The following CNBD1 variants were observed in gnomAD, a reference collection of about 807,000 sequenced individuals.
CNBD1 encodes the protein cyclic nucleotide binding domain containing 1.
A neutral mutation model predicts 54.4 loss-of-function variants in CNBD1; 71 were observed. That is an observed-to-expected ratio of 1.30 (90% CI 1.08 to 1.59). The LOEUF is 1.59. Among genes scored for constraint, CNBD1 ranks in the 40% most tolerant of loss-of-function variants. The pLI, the probability that CNBD1 is intolerant of heterozygous loss-of-function variation, is 0.00. For missense variants in CNBD1, 659 were observed against 518.0 expected (o/e 1.27, Z -2.64); for synonymous variants, 182 against 170.7 (o/e 1.07, Z -0.51).
chr8:86,956,253 G>T (rs1376435658), intron 4 of CNBD1, among the ~76,000 whole-genome samples: 1 of 152,162 alleles, frequency 6.6e-6, no homozygotes, highest in African/African-American at 2.4e-5. Flanking sequence ...ATAGTTTGAA[G>T]TCAGGTAGCA....
At chr8:87,122,813 A>G (rs1811916603) in intron 4 of CNBD1, among the ~76,000 whole-genome samples, 1 of 151,924 alleles carries the variant, frequency 6.6e-6, no homozygotes, top group Admixed American at 6.6e-5. Flanking sequence ...ATCTGAAGAC[A>G]GTGTTTTTCC....
intron 8 of CNBD1, among the ~76,000 whole-genome samples, chr8:87,332,116 G>A (rs1036915565): frequency 1.3e-5 from 2 of 152,170 alleles, no homozygotes; most frequent in African/African-American, 4.8e-5. Flanking sequence ...GGAAGTCTGA[G>A]GCAGGTGGAT....
chr8:87,154,562 G>A (rs1812674913), intron 4 of CNBD1, among the ~76,000 whole-genome samples: 1 of 152,182 alleles, frequency 6.6e-6, no homozygotes, highest in South Asian at 2.1e-4. Context: ...GTACTTCTTG[G>A]AAAGTTACAA....
chr8:87,286,879 A>G lies in CNBD1; in HGVS notation c.1042+208A>G, dbSNP rs1326210423. Reference sequence around the variant, plus strand: ...TACTGGCTTGAAGTGTGGTCTCAGGACTAACCTTACTTTTAACATCTCTCT... The same window carrying G: ...TACTGGCTTGAAGTGTGGTCTCAGGGCTAACCTTACTTTTAACATCTCTCT... On this transcript the variant is annotated intron_variant, in intron 8 of 10. Transcript: ENST00000518476. Among the ~76,000 whole-genome samples, 4 of 152,186 alleles carry G rather than the reference A, an allele frequency of 2.6e-5. No homozygotes were observed. In the East Asian group the frequency reaches 7.7e-4, roughly 29 times the overall value.
intron 4 of CNBD1, among the ~76,000 whole-genome samples, chr8:87,193,320 A>AGCTCC (rs1813650804): frequency 6.6e-6 from 1 of 152,204 alleles, no homozygotes; most frequent in African/African-American, 2.4e-5. Context: ...TTTTATGTAT[A>AGCTCC]GCTCCCCAAA....
At chr8:87,375,275 C>T (rs1810902979) in intron 10 of CNBD1, among the ~76,000 whole-genome samples, 1 of 151,750 alleles carries the variant, frequency 6.6e-6, no homozygotes. Context: ...TACAAATTTC[C>T]AGGAACTTAG....
At chr8:87,241,319 G>A (rs1807698911) in intron 6 of CNBD1, among the ~76,000 whole-genome samples, 1 of 133,410 alleles carries the variant, frequency 7.5e-6, no homozygotes, top group African/African-American at 3.1e-5. Context: ...CGCCCAGGCT[G>A]GAGTGCAGTG....
intron 2 of CNBD1, chr8:87,428,408 G>A (rs538511039): frequency 6.0e-5 from 19 of 318,338 alleles, no homozygotes; most frequent in Non-Finnish European, 1.0e-4. Context: ...AAGTACTAAT[G>A]AATCAATTTA....
intron 4 of CNBD1, among the ~76,000 whole-genome samples, chr8:86,953,550 G>A (rs893929820): frequency 2.6e-5 from 4 of 152,110 alleles, no homozygotes; most frequent in South Asian, 4.1e-4. Flanking sequence ...ATGGCCTGAA[G>A]ATCAAACACC....
intron 1 of CNBD1, among the ~76,000 whole-genome samples, chr8:86,869,007 G>T (rs968920337): frequency 6.7e-6 from 1 of 148,308 alleles, no homozygotes; most frequent in Admixed American, 6.7e-5. Flanking sequence ...GAAGATGGAG[G>T]GGGGACAAAA....
At chr8:87,375,783 A>G (rs963990820) in intron 10 of CNBD1, among the ~76,000 whole-genome samples, 25 of 151,896 alleles carry the variant, frequency 1.6e-4, no homozygotes, top group African/African-American at 4.6e-4. Context: ...TTTGAGTTAA[A>G]GTTTTCAAGT....
chr8:87,420,962 T>C (rs1715826842), intron 2 of CNBD1, among the ~76,000 whole-genome samples: 1 of 152,068 alleles, frequency 6.6e-6, no homozygotes, highest in African/African-American at 2.4e-5. Context: ...TGATGACTGT[T>C]ATAGAGACCT....
At chr8:86,886,205 T>C (rs1808678536) in intron 1 of CNBD1, among the ~76,000 whole-genome samples, 1 of 152,130 alleles carries the variant, frequency 6.6e-6, no homozygotes, top group Non-Finnish European at 1.5e-5. Context: ...TCCTTCCTAA[T>C]CTATGTATAT....
intron 2 of CNBD1, among the ~76,000 whole-genome samples, chr8:87,421,114 G>T (rs1157806667): frequency 2.0e-5 from 3 of 151,748 alleles, no homozygotes; most frequent in Non-Finnish European, 4.4e-5. Flanking sequence ...AATATAGTTT[G>T]GGTTGTATTG....
At chr8:86,936,271 A>C (rs1240305718) in intron 3 of CNBD1, among the ~76,000 whole-genome samples, 1 of 152,232 alleles carries the variant, frequency 6.6e-6, no homozygotes. Context: ...CTAAAGAAAA[A>C]GGGAAAAAAT....
chr8:86,914,432 A>G (rs1168385515), intron 3 of CNBD1, among the ~76,000 whole-genome samples: 1 of 152,236 alleles, frequency 6.6e-6, no homozygotes, highest in South Asian at 2.1e-4. Context: ...GCCATAGGCT[A>G]TACCATATTA....
chr8:87,283,460 T>C (rs1808634560), intron 6 of CNBD1, among the ~76,000 whole-genome samples: 1 of 152,082 alleles, frequency 6.6e-6, no homozygotes, highest in South Asian at 2.1e-4. Context: ...TCTCTGAATT[T>C]ATACATAAGG....
intron 2 of CNBD1, among the ~76,000 whole-genome samples, chr8:87,423,747 T>C (rs928807304): frequency 7.3e-5 from 11 of 151,706 alleles, no homozygotes; most frequent in Non-Finnish European, 1.3e-4. Context: ...CTTTTTTGGT[T>C]GTGTCTCTGC....
intron 6 of CNBD1, among the ~76,000 whole-genome samples, chr8:87,272,660 T>A (rs1399304540): frequency 6.6e-6 from 1 of 151,984 alleles, no homozygotes; most frequent in African/African-American, 2.4e-5. Flanking sequence ...AGTCAATTTA[T>A]ACATGGATAA....
Sources: gnomAD v4.1 joint callset for allele counts (sites outside exome capture counted in the v4.1 genomes callset) on GRCh38, gnomAD v4.1.1 for gene constraint, MANE v1.5 for transcripts, NCBI Gene and HGNC (gene_info 2026-07-23, HGNC 2026-07-21) for gene names.